Variants in TNRC6B observed in about 807,000 individuals in gnomAD.
The protein encoded by TNRC6B is trinucleotide repeat containing adaptor 6B, also known as trinucleotide repeat-containing gene 6B protein.
In TNRC6B, 52 loss-of-function variants were observed where a neutral mutation model predicts 203.6. The ratio of observed to expected loss-of-function variants is 0.26; its 90% confidence interval spans 0.20 to 0.32. TNRC6B has a LOEUF of 0.32. TNRC6B is among the 10% of genes least tolerant of loss of function. The pLI is 1.00. For synonymous variants in TNRC6B, 838 were observed against 845.7 expected, an observed-to-expected ratio of 0.99 and a Z score of 0.16; for missense variants, 1,923 against 2,286.2, an observed-to-expected ratio of 0.84 and a Z score of 3.24.
Position 40,323,031 on chromosome 22 carries a change from T to A in TNRC6B, c.5292T>A (p.Asn1764Lys). 1 of 1,603,242 alleles carries A rather than the reference T, an allele frequency of 6.2e-7. No individual in the cohort carries two copies. The highest frequency in any genetic ancestry group is 8.5e-7 in the Non-Finnish European group (1 of 1,174,498). The change falls in exon 23 of 23, where the codon AAT (asparagine) becomes AAA (lysine). Residue 1764 changes from asparagine to lysine, a missense_variant. Asn to Lys is a moderately conservative substitution (Grantham distance 94). Coordinates refer to ENST00000454349, the MANE Select transcript of TNRC6B (RefSeq NM_001162501.2). ...NQSDPVGPAL[N>K]LFGGSTGLGQ... ...CAGATCCCGTGGGACCTGCTCTGAATCTTTTTGGTGGGTCCACTGGGCTCG... is the reference window on the plus strand; with the variant it reads ...CAGATCCCGTGGGACCTGCTCTGAAACTTTTTGGTGGGTCCACTGGGCTCG...
chr22:40,145,586 G>A (rs958256954), intron 3 of TNRC6B, among the ~76,000 whole-genome samples: 10 of 152,228 alleles, frequency 6.6e-5, no homozygotes, highest in Non-Finnish European at 1.5e-4. Flanking sequence ...GTTCACGCCT[G>A]TAATCCCAGC....
chr22:40,178,050 AAAAG>A lies in TNRC6B; in HGVS notation c.-83_-80del. 6.3e-7 allele frequency: 1 copy of A among 1,589,520 alleles called. No individual in the cohort carries two copies. Among genetic ancestry groups the A allele is most frequent in the Non-Finnish European group, 8.5e-7 (1 of 1,172,836 alleles). ...TAAAATACAAAAAAACAGATAGACA[AAAAG>A]AATTCATTTTTTGGACCTTTTTTCA... On this transcript the variant is annotated 5_prime_UTR_variant, in exon 1 of 23. Coordinates refer to ENST00000454349, the MANE Select transcript of TNRC6B (RefSeq NM_001162501.2).
chr22:40,235,265 A>C (rs1035568239), intron 1 of TNRC6B, among the ~76,000 whole-genome samples: 3 of 152,186 alleles, frequency 2.0e-5, no homozygotes, highest in Non-Finnish European at 4.4e-5. Flanking sequence ...TAGTATGTAG[A>C]TAGTAGAATT....
At chr22:40,259,941 C>T (rs1336567768) in intron 3 of TNRC6B, among the ~76,000 whole-genome samples, 1 of 152,028 alleles carries the variant, frequency 6.6e-6, no homozygotes, top group African/African-American at 2.4e-5. Flanking sequence ...CTCTATTTGC[C>T]AGGTAGATTT....
Position 40,086,705 on chromosome 22 carries a change from T to C in TNRC6B, c.-120-30350T>C, listed in dbSNP as rs181771360. On this transcript the variant is annotated intron_variant, in intron 1 of 23. Coordinates refer to the TNRC6B transcript ENST00000301923. ...CACCTTGAATTTGAATGGAGAGAAA[T>C]TCAATTTTTTCTTCTATGAAATATG... is the stretch of plus-strand genomic sequence containing the variant. Among the ~76,000 whole-genome samples, 414 of 152,356 alleles carry C rather than the reference T, an allele frequency of 2.7e-3. 2 individuals carry two copies. The highest frequency in any genetic ancestry group is 9.6e-3 in the African/African-American group (398 of 41,594).
chr22:40,319,821 T>C (rs1569069176), intron 21 of TNRC6B, among the ~76,000 whole-genome samples: 1 of 152,218 alleles, frequency 6.6e-6, no homozygotes, highest in African/African-American at 2.4e-5. Flanking sequence ...TAGAGTTCGG[T>C]ACTATTGGTG....
At chr22:40,218,326 T>TC (rs1555890543) in intron 1 of TNRC6B, among the ~76,000 whole-genome samples, 2 of 132,908 alleles carry the variant, frequency 1.5e-5, no homozygotes, top group African/African-American at 2.7e-5. Context: ...TTTCTTTTCT[T>TC]TTTTTTTTTT....
rs936446764 is a variant in TNRC6B, at chr22:40,327,341, T to C, written c.*4100T>C. The C allele has an allele frequency of 2.0e-5, 3 of 152,646 alleles. No individual in the cohort carries two copies. The highest frequency in any genetic ancestry group is 2.0e-4 in the Admixed American group (3 of 15,280). 9.5% of individuals were successfully genotyped at this position (152,646 alleles called of 1,614,324 possible). ...GGCAGTGGGCTGAATTTAAAATAAA[T>C]AAACAAACGTCAAGCAAGTTAATAT... On this transcript the variant is annotated 3_prime_UTR_variant, in exon 23 of 23. Coordinates refer to ENST00000454349, the MANE Select transcript of TNRC6B (RefSeq NM_001162501.2).
At chr22:40,095,293 G>T (rs867985386) in intron 1 of TNRC6B, among the ~76,000 whole-genome samples, 1 of 151,902 alleles carries the variant, frequency 6.6e-6, no homozygotes, top group African/African-American at 2.4e-5. Flanking sequence ...GAAATAAGTA[G>T]TCACTCCCAG....
chr22:40,155,766 C>T (rs1272688860), intron 3 of TNRC6B, among the ~76,000 whole-genome samples: 1 of 152,106 alleles, frequency 6.6e-6, no homozygotes, highest in African/African-American at 2.4e-5. Context: ...GATTGAACAT[C>T]TTTTCATATG....
rs779533206 is a variant in TNRC6B, at chr22:40,285,685, C to T, written c.3623C>T (p.Ser1208Leu). 2.5e-6 allele frequency: 4 copies of T among 1,613,940 alleles called. No homozygotes were observed. The highest frequency in any genetic ancestry group is 2.5e-6 in the Non-Finnish European group (3 of 1,179,878). ...HGLFGNSTAQ[S>L]RGLHTPVQPL... ...TTGTTTGGAAACAGCACAGCACAATCGAGAGGTCTGCACACACCCGTGCAG... is the reference window on the plus strand; with the variant it reads ...TTGTTTGGAAACAGCACAGCACAATTGAGAGGTCTGCACACACCCGTGCAG... The change falls in exon 12 of 23, where the codon TCG (serine) becomes TTG (leucine). Residue 1208 changes from serine (S) to leucine (L), a missense_variant. Ser to Leu is a moderately radical substitution (Grantham distance 145, BLOSUM62 -2). Around this residue, in one of 8 missense-constraint regions of TNRC6B, gnomAD observed 242 missense variants for 399.5 expected, o/e 0.61. Coordinates refer to ENST00000454349, the MANE Select transcript of TNRC6B (RefSeq NM_001162501.2).
chr22:40,310,282 G>T (rs1028909745), intron 16 of TNRC6B, among the ~76,000 whole-genome samples: 2 of 152,140 alleles, frequency 1.3e-5, no homozygotes, highest in Non-Finnish European at 2.9e-5. Context: ...ATCTCATTGC[G>T]TTGGAATTTA....
At chr22:40,102,851 G>T (rs761102815) in intron 1 of TNRC6B, among the ~76,000 whole-genome samples, 1 of 152,108 alleles carries the variant, frequency 6.6e-6, no homozygotes, top group Admixed American at 6.5e-5. Context: ...GGCTGAGGCC[G>T]GTGGATCACG....
intron 1 of TNRC6B, among the ~76,000 whole-genome samples, chr22:40,190,898 T>G (rs2069262160): frequency 6.6e-6 from 1 of 152,246 alleles, no homozygotes; most frequent in African/African-American, 2.4e-5. Context: ...ACTGCATCAG[T>G]ATTTATTGAA....
intron 3 of TNRC6B, among the ~76,000 whole-genome samples, chr22:40,133,990 A>C (rs1184016289): frequency 2.0e-5 from 3 of 151,198 alleles, no homozygotes; most frequent in East Asian, 1.9e-4. Flanking sequence ...AAAAAAAAAA[A>C]AAAAAAACAG....
intron 1 of TNRC6B, among the ~76,000 whole-genome samples, chr22:40,081,580 G>A (rs73165035): frequency 6.6e-6 from 1 of 152,220 alleles, no homozygotes; most frequent in Non-Finnish European, 1.5e-5. Flanking sequence ...GCTCAACCTG[G>A]CTTTGCCACT....
intron 1 of TNRC6B, among the ~76,000 whole-genome samples, chr22:40,213,875 G>A (rs769436865): frequency 6.6e-6 from 1 of 152,122 alleles, no homozygotes; most frequent in Non-Finnish European, 1.5e-5. Flanking sequence ...AAGAACTCGG[G>A]TTCATATGAC....
At chr22:40,237,601 C>T (rs1023890413) in intron 1 of TNRC6B, among the ~76,000 whole-genome samples, 7 of 152,008 alleles carry the variant, frequency 4.6e-5, no homozygotes, top group African/African-American at 1.5e-4. Context: ...GGCTTGCTGC[C>T]GAGAGAAGGA....
intron 4 of TNRC6B, among the ~76,000 whole-genome samples, chr22:40,169,564 T>C (rs1462640259): frequency 2.6e-5 from 4 of 152,224 alleles, no homozygotes; most frequent in Non-Finnish European, 5.9e-5. Flanking sequence ...TTACATACTT[T>C]TCTCCACCTC....
Sources: gnomAD v4.1 joint callset for allele counts (sites outside exome capture counted in the v4.1 genomes callset) on GRCh38, gnomAD v4.1.1 for gene constraint, gnomAD v4.1.1 regional missense constraint, MANE v1.5 for transcripts, NCBI Gene and HGNC (gene_info 2026-07-23, HGNC 2026-07-21) for gene names.